ZSWIM9: variants seen among roughly 807,000 people sequenced by gnomAD.
The protein encoded by ZSWIM9 is zinc finger SWIM-type containing 9.
In ZSWIM9, 11 loss-of-function variants were observed where a neutral mutation model predicts 25.0. The ratio of observed to expected loss-of-function variants is 0.44; its 90% CI spans 0.28 to 0.73. The LOEUF (loss-of-function observed/expected upper bound fraction) is 0.73. ZSWIM9 is among the 30% of genes least tolerant of loss of function. ZSWIM9 has a pLI of 0.16. For synonymous variants in ZSWIM9, 562 were observed against 582.1 expected, an observed-to-expected ratio of 0.97 and a Z score of 0.50; for missense variants, 1,070 against 1,296.5, an observed-to-expected ratio of 0.83 and a Z score of 2.68.
At chr19:48,193,473 G>A (rs1051597299) in intron 3 of ZSWIM9, among the ~76,000 whole-genome samples, 4 of 151,986 alleles carry the variant, frequency 2.6e-5, no homozygotes, top group Non-Finnish European at 5.9e-5. Context: ...TCAGCAAAGG[G>A]AAGAGCCACA....
At chr19:48,184,669 C>T (rs2036990737) in intron 3 of ZSWIM9, among the ~76,000 whole-genome samples, 1 of 152,132 alleles carries the variant, frequency 6.6e-6, no homozygotes, top group Non-Finnish European at 1.5e-5. Flanking sequence ...CCAGGCACTA[C>T]CCTAAGTGCT....
At chr19:48,185,385 T>C (rs888884245) in intron 3 of ZSWIM9, among the ~76,000 whole-genome samples, 11 of 152,300 alleles carry the variant, frequency 7.2e-5, no homozygotes, top group African/African-American at 2.6e-4. Flanking sequence ...TCCCCCCGCC[T>C]TGGCCTCCCA....
intron 2 of ZSWIM9, among the ~76,000 whole-genome samples, chr19:48,178,582 T>TC (rs1230695043): frequency 6.0e-5 from 6 of 99,688 alleles, no homozygotes; most frequent in African/African-American, 2.2e-4. Context: ...CTACTTTTTT[T>TC]TTTCTTCTTC....
chr19:48,174,328 C>T (rs192326448), intron 2 of ZSWIM9, among the ~76,000 whole-genome samples: 30 of 152,072 alleles, frequency 2.0e-4, no homozygotes, highest in Admixed American at 1.1e-3. Context: ...TCACGATACC[C>T]GCCTCATGGG....
intron 3 of ZSWIM9, among the ~76,000 whole-genome samples, chr19:48,187,097 C>G (rs892478893): frequency 6.6e-6 from 1 of 151,146 alleles, no homozygotes; most frequent in Admixed American, 6.6e-5. Flanking sequence ...CCCTCAATTG[C>G]TGGCTTAGGA....
rs573232054 is a variant in ZSWIM9, at chr19:48,189,199, AATC to A, written c.589-5451_589-5449del. Among the ~76,000 whole-genome samples, 16 of 152,328 alleles carry A rather than the reference AATC, an allele frequency of 1.1e-4. 1 individual carries two copies. In the South Asian group the frequency reaches 1.7e-3, roughly 16 times the overall value. ...TGTGGAAGGACTTACTTACAAGGTT[AATC>A]ATTGTTGTTTGTGAAAGCAGCAGAT... is the stretch of plus-strand genomic sequence containing the variant. On this transcript the variant is annotated intron_variant, in intron 3 of 3. Transcript: ENST00000614654.
intron 2 of ZSWIM9, among the ~76,000 whole-genome samples, chr19:48,177,921 G>A (rs921981045): frequency 6.6e-6 from 1 of 152,186 alleles, no homozygotes; most frequent in Non-Finnish European, 1.5e-5. Flanking sequence ...TTTTGAGATG[G>A]AGCTTCGCTC....
chr19:48,195,061 G>C lies in ZSWIM9; in HGVS notation c.997G>C (p.Gly333Arg). The C allele has an allele frequency of 3.6e-6, 5 of 1,373,342 alleles. No individual in the cohort carries two copies. Among genetic ancestry groups the C allele is most frequent in the Non-Finnish European group, 4.7e-6 (5 of 1,072,084 alleles). The allele number at this position is 1,373,342 out of a possible 1,614,324, so 85.1% of individuals were successfully genotyped here. A position where few individuals can be genotyped will look rare whatever the true frequency, so the allele number is the denominator to read the frequency against. The change falls in exon 4 of 4, where the codon GGC becomes CGC. Residue 333 changes from glycine (G) to arginine (R), a missense_variant. Gly to Arg is a moderately radical substitution (Grantham distance 125). Around this residue, in one of 4 missense-constraint regions of ZSWIM9, gnomAD observed 184 missense variants for 243.1 expected, o/e 0.76. Coordinates refer to ENST00000614654, the MANE Select transcript of ZSWIM9 (RefSeq NM_199341.4). This position sits in a 1 kb window ranked among gnomAD's most constrained non-coding sequence, Gnocchi z 5.8. ...GCTCTTCAGCAAGGCGCAGGAGCTG[G>C]GCGGCGCCGGCCGCGAGGACCCGGG... ...ETLFSKAQEL[G>R]GAGREDPGLW... is the part of the protein sequence containing the mutation.
rs78510234 is a variant in ZSWIM9, at chr19:48,184,571, C to A, written c.588+1804C>A. On this transcript the variant is annotated intron_variant, in intron 3 of 3. Coordinates refer to ENST00000614654, the MANE Select transcript of ZSWIM9 (RefSeq NM_199341.4). ...TCTTCATCTCATGCCCAGTAAGAAG[C>A]CCTGATTCAAGCCACCAGCCCAAGC... Among the ~76,000 whole-genome samples the A allele has an allele frequency of 1.1e-3, 169 of 152,258 alleles. 5 individuals carry two copies. In the East Asian group the frequency reaches 0.025, roughly 23 times the overall value.
chr19:48,186,664 T>TTGTCTCGGC, intron 3 of ZSWIM9: 1 of 154,974 alleles, frequency 6.5e-6, no homozygotes, highest in East Asian at 1.9e-4. Flanking sequence ...CATCTTTCGT[T>TTGTCTCGGC]CTTCCTCTGG....
Position 48,195,900 on chromosome 19 carries a change from C to G in ZSWIM9, c.1836C>G (p.Thr612=). 7.2e-7 allele frequency: 1 copy of G among 1,386,848 alleles called. No homozygotes were observed. The highest frequency in any genetic ancestry group is 9.3e-7 in the Non-Finnish European group (1 of 1,075,168). 85.9% of individuals were successfully genotyped at this position (1,386,848 alleles called of 1,614,324 possible). The change falls in exon 4 of 4, where the codon ACC becomes ACG. Residue 612 remains threonine (T), a synonymous_variant. Transcript: ENST00000614654. This position sits in a 1 kb window ranked among gnomAD's most constrained non-coding sequence, Gnocchi z 5.8. ...GGAGTACCACCGACCTGAGGGGGAC[C>G]CAGTTTGACTATGAGAGGGTCAGGA... ...DRRSTTDLRG[T]QFDYERVRSL... is the part of the protein sequence containing the mutation.
In ZSWIM9 at chr19:48,194,151, G is replaced by A. The variant is rs1347848557; in HGVS notation, c.589-502G>A. 1.3e-5 allele frequency among the ~76,000 whole-genome samples: 2 copies of A among 152,204 alleles called. No individual in the cohort carries two copies. Among genetic ancestry groups the A allele is most frequent in the African/African-American group, 4.8e-5 (2 of 41,456 alleles). ...TTACCACCAGACCAGTCATCCTTAAGCATGCATAGGAGTCCCCTGGAGGGC... is the reference window on the plus strand; with the variant it reads ...TTACCACCAGACCAGTCATCCTTAAACATGCATAGGAGTCCCCTGGAGGGC... On this transcript the variant is annotated intron_variant, in intron 3 of 3. Coordinates refer to ENST00000614654, the MANE Select transcript of ZSWIM9 (RefSeq NM_199341.4). The surrounding 1 kb of genome is among the most constrained non-coding windows in gnomAD (Gnocchi z 6.0).
chr19:48,197,324 A>G lies in ZSWIM9; in HGVS notation c.*497A>G. 1.4e-6 allele frequency: 1 copy of G among 701,654 alleles called. No individual in the cohort carries two copies. The highest frequency in any genetic ancestry group is 1.5e-5 in the South Asian group (1 of 67,446). 43.5% of individuals were successfully genotyped at this position (701,654 alleles called of 1,614,324 possible). On this transcript the variant is annotated 3_prime_UTR_variant, in exon 4 of 4. Coordinates refer to ENST00000614654, the MANE Select transcript of ZSWIM9 (RefSeq NM_199341.4). ...GGAAATGGAGGAGAGAGGACAAGCA[A>G]AGAGACAGAAATGAAGACATGAGGA...
Position 48,195,392 on chromosome 19 carries a change from T to A in ZSWIM9, c.1328T>A (p.Val443Glu). Residue 443 changes from valine to glutamate, a missense_variant, in exon 4 of 4, where the codon GTG (valine) becomes GAG (glutamate). By Grantham distance (121) the Val-to-Glu change is moderately radical. Around this residue, in one of 4 missense-constraint regions of ZSWIM9, gnomAD observed 583 missense variants for 624.7 expected, o/e 0.93. Transcript: ENST00000614654. This position sits in a 1 kb window ranked among gnomAD's most constrained non-coding sequence, Gnocchi z 5.8. ...TGGGCCGACGCGGCCGGGGAGGCGG[T>A]GCCCGAGGGGCCCGATGGCGGGGGG... ...MQWADAAGEA[V>E]PEGPDGGGPW... 1.4e-6 allele frequency: 2 copies of A among 1,481,102 alleles called. No individual in the cohort carries two copies. The highest frequency in any genetic ancestry group is 1.8e-6 in the Non-Finnish European group (2 of 1,125,834). The allele number at this position is 1,481,102 out of a possible 1,614,324, so 91.7% of individuals were successfully genotyped here.
At chr19:48,181,246 ACCT>A (rs1027351993) in intron 2 of ZSWIM9, 1 of 151,888 alleles carries the variant, frequency 6.6e-6, no homozygotes, top group Non-Finnish European at 1.5e-5. Context: ...GTCCCAAGAA[ACCT>A]CCTGGTGCCC....
At position 48,182,798 on chromosome 19, in the gene ZSWIM9, G is replaced by C. The variant is rs899669650; in HGVS notation, c.588+31G>C. On this transcript the variant is annotated intron_variant, in intron 3 of 3. Transcript: ENST00000614654. The surrounding 1 kb of genome is among the most constrained non-coding windows in gnomAD (Gnocchi z 4.6). ...GTCTCGAGAGAGGCAGGCCGGGGGA[G>C]GGGGCGGGGGAAAGCCGCGCTGAAG... 1.3e-6 allele frequency: 2 copies of C among 1,487,564 alleles called. No individual in the cohort carries two copies. Among genetic ancestry groups the C allele is most frequent in the African/African-American group, 1.4e-5 (1 of 72,100 alleles). 92.1% of individuals were successfully genotyped at this position (1,487,564 alleles called of 1,614,324 possible).
In ZSWIM9 at chr19:48,182,474, C is replaced by A; in HGVS notation, c.295C>A (p.Pro99Thr). 6.5e-7 allele frequency: 1 copy of A among 1,534,850 alleles called. No homozygotes were observed. The highest frequency in any genetic ancestry group is 1.2e-5 in the South Asian group (1 of 83,956). ...PAVGPPQPGC[P>T]AFIIVKLSPL... ...CCACAGGCCTCCCCAGCCCGGCTGC[C>A]CCGCCTTCATCATCGTCAAGCTGAG... Residue 99 changes from proline (P) to threonine (T), a missense_variant, in exon 3 of 4, where the codon CCC (proline) becomes ACC (threonine). Physicochemically the swap from Pro to Thr is conservative, Grantham distance 38. Transcript: ENST00000614654. This position sits in a 1 kb window ranked among gnomAD's most constrained non-coding sequence, Gnocchi z 4.6.
At chr19:48,177,145 G>A (rs1482272953) in intron 2 of ZSWIM9, among the ~76,000 whole-genome samples, 1 of 152,170 alleles carries the variant, frequency 6.6e-6, no homozygotes, top group Non-Finnish European at 1.5e-5. Flanking sequence ...TATGGTCAGG[G>A]AAGACTTCCT....
At position 48,196,692 on chromosome 19, in the gene ZSWIM9, A is replaced by G. The variant is rs2037171310; in HGVS notation, c.2628A>G (p.Thr876=). The change falls in exon 4 of 4, where the codon ACA becomes ACG. Residue 876 remains threonine (T), a synonymous_variant. Transcript: ENST00000614654. ...ACTTCTTCCTGGATGGGGCCCTGAC[A>G]CGCTGCAGCTGCTCAATTCACGCCG... ...TSDFFLDGAL[T]RCSCSIHAAR... 1.6e-6 allele frequency: 2 copies of G among 1,232,920 alleles called. No homozygotes were observed. Among genetic ancestry groups the G allele is most frequent in the Non-Finnish European group, 2.0e-6 (2 of 988,620 alleles). 76.4% of individuals were successfully genotyped at this position (1,232,920 alleles called of 1,614,324 possible).
Sources: gnomAD v4.1 joint callset for allele counts (sites outside exome capture counted in the v4.1 genomes callset) on GRCh38, gnomAD v4.1.1 for gene constraint, gnomAD v4.1.1 regional missense constraint, Gnocchi (gnomAD v3.1) non-coding constraint, MANE v1.5 for transcripts, NCBI Gene and HGNC (gene_info 2026-07-23, HGNC 2026-07-21) for gene names.